Variants in ASCC3 observed in about 807,000 individuals in gnomAD.
ASCC3 encodes the protein ASC-1 complex subunit P200.
ASCC3 carries 158 observed loss-of-function variants against 256.3 expected under a neutral mutation model. That is an observed-to-expected ratio of 0.62 (90% CI 0.54 to 0.70). The LOEUF (loss-of-function observed/expected upper bound fraction) is 0.70, where lower values mean the gene tolerates loss of function less well. Among genes scored for constraint, ASCC3 ranks in the 30% least tolerant of loss-of-function variants. ASCC3 has a pLI of 0.00. For synonymous variants in ASCC3, 948 were observed against 883.4 expected (o/e 1.07, Z -1.30); for missense variants, 2,259 against 2,626.0 (o/e 0.86, Z 3.05).
chr6:100,709,195 G>A (rs534336112), intron 13 of ASCC3, among the ~76,000 whole-genome samples: 2 of 152,072 alleles, frequency 1.3e-5, no homozygotes, highest in Non-Finnish European at 2.9e-5. Flanking sequence ...CACACAATGT[G>A]GCCATTTCTG....
At chr6:100,585,452 T>A (rs1243467679) in intron 36 of ASCC3, among the ~76,000 whole-genome samples, 1 of 152,214 alleles carries the variant, frequency 6.6e-6, no homozygotes, top group Non-Finnish European at 1.5e-5. Context: ...AGCACTTCTC[T>A]GTATTGGTTA....
intron 36 of ASCC3, among the ~76,000 whole-genome samples, chr6:100,560,099 A>G (rs1045039350): frequency 5.3e-5 from 8 of 152,168 alleles, no homozygotes; most frequent in Admixed American, 4.6e-4. Flanking sequence ...TTCTGGTAAT[A>G]TATGTAAGTG....
chr6:100,845,766 T>C (rs1772351580), intron 4 of ASCC3, among the ~76,000 whole-genome samples: 1 of 152,138 alleles, frequency 6.6e-6, no homozygotes, highest in Non-Finnish European at 1.5e-5. Flanking sequence ...CTAACACTAG[T>C]TTAACAATAA....
chr6:100,516,122 TC>T, intron 39 of ASCC3, 57 bp downstream of exon 39: 1 of 1,610,404 alleles, frequency 6.2e-7, no homozygotes, highest in Non-Finnish European at 8.5e-7. Flanking sequence ...GTTAGAAAAC[TC>T]TTGGTACACC....
At chr6:100,670,997 C>T (rs1484010940) in intron 14 of ASCC3, among the ~76,000 whole-genome samples, 1 of 151,778 alleles carries the variant, frequency 6.6e-6, no homozygotes, top group Non-Finnish European at 1.5e-5. Flanking sequence ...AGAATGAAAC[C>T]CATCTTTCTG....
chr6:100,778,091 TG>T (rs1562290429), intron 8 of ASCC3, among the ~76,000 whole-genome samples: 1 of 77,716 alleles, frequency 1.3e-5, no homozygotes, highest in East Asian at 4.1e-4. Context: ...ATGACTTAAA[TG>T]TAAGATGGTG....
intron 3 of ASCC3, among the ~76,000 whole-genome samples, chr6:100,853,220 T>C (rs1303817614): frequency 1.3e-5 from 2 of 152,150 alleles, no homozygotes; most frequent in African/African-American, 2.4e-5. Context: ...ATGGTTACAA[T>C]TGTCAATCAT....
At chr6:100,756,659 G>A (rs1781193783) in intron 10 of ASCC3, among the ~76,000 whole-genome samples, 1 of 152,022 alleles carries the variant, frequency 6.6e-6, no homozygotes, top group African/African-American at 2.4e-5. Flanking sequence ...TGATTCTAAG[G>A]CTGGGCTTCT....
At chr6:100,703,805 GTT>G (rs1778453950) in intron 13 of ASCC3, among the ~76,000 whole-genome samples, 1 of 151,812 alleles carries the variant, frequency 6.6e-6, no homozygotes, top group African/African-American at 2.4e-5. Context: ...ACAAATGACT[GTT>G]AACAAAGGAA....
intron 1 of ASCC3, among the ~76,000 whole-genome samples, chr6:100,874,128 T>C (rs1238171472): frequency 6.6e-6 from 1 of 152,178 alleles, no homozygotes; most frequent in Non-Finnish European, 1.5e-5. Flanking sequence ...TACTAGGATC[T>C]GGGCTAGGCA....
At chr6:100,796,232 G>A (rs907811584) in intron 8 of ASCC3, among the ~76,000 whole-genome samples, 2 of 152,078 alleles carry the variant, frequency 1.3e-5, no homozygotes, top group Non-Finnish European at 2.9e-5. Context: ...AGACTATATC[G>A]AATTGCTCAT....
intron 37 of ASCC3, among the ~76,000 whole-genome samples, chr6:100,534,067 ACT>A (rs1775048829): frequency 6.6e-6 from 1 of 151,914 alleles, no homozygotes; most frequent in Admixed American, 6.6e-5. Context: ...ACATGGTGAA[ACT>A]CTGTCTCTAC....
At chr6:100,752,380 A>G (rs1288504613) in intron 10 of ASCC3, among the ~76,000 whole-genome samples, 1 of 152,286 alleles carries the variant, frequency 6.6e-6, no homozygotes, top group African/African-American at 2.4e-5. Flanking sequence ...TTAAACAGTT[A>G]GACTAGAAAT....
chr6:100,515,617 C>T (rs773757217), intron 39 of ASCC3, among the ~76,000 whole-genome samples: 3 of 152,110 alleles, frequency 2.0e-5, no homozygotes, highest in Non-Finnish European at 4.4e-5. Context: ...ACAGATTTAG[C>T]TTTCTATGTA....
intron 1 of ASCC3, among the ~76,000 whole-genome samples, chr6:100,879,045 C>A (rs1053939147): frequency 6.6e-6 from 1 of 152,180 alleles, no homozygotes; most frequent in Admixed American, 6.5e-5. Flanking sequence ...ACATGACCCC[C>A]CTCCTTGGGT....
intron 13 of ASCC3, among the ~76,000 whole-genome samples, chr6:100,681,725 C>CAAAAAAAAAAAAAAAAAAA (rs10696130): frequency 3.4e-5 from 2 of 58,658 alleles, no homozygotes; most frequent in South Asian, 8.5e-4. Flanking sequence ...GACTCCGTCT[C>CAAAAAAAAAAAAAAAAAAA]AAAAAAAAAA....
chr6:100,547,822 A>G (rs1053056741), intron 36 of ASCC3, among the ~76,000 whole-genome samples: 3 of 151,980 alleles, frequency 2.0e-5, no homozygotes, highest in Non-Finnish European at 4.4e-5. Context: ...GTGTATGTCC[A>G]TACAACAAAG....
At chr6:100,856,526 G>T in intron 3 of ASCC3, 2 of 682,480 alleles carry the variant, frequency 2.9e-6, no homozygotes, top group South Asian at 1.3e-4. Context: ...TACACATACA[G>T]TTCAAAGAAT....
At position 100,652,780 on chromosome 6, in the gene ASCC3, G is replaced by A; in HGVS notation, c.2933C>T (p.Ser978Leu). The A allele has an allele frequency of 1.2e-6, 2 of 1,613,820 alleles. No individual in the cohort carries two copies. Among genetic ancestry groups the A allele is most frequent in the Non-Finnish European group, 1.7e-6 (2 of 1,179,902 alleles). ...RFEERTGYFS[S>L]TDLGRTASHY... ...GCTGGCAGTTCTACCCAAATCAGTTGAGGAAAAATATCCAGTTCGCTCCTC... is the reference window on the plus strand; with the variant it reads ...GCTGGCAGTTCTACCCAAATCAGTTAAGGAAAAATATCCAGTTCGCTCCTC... The change falls in exon 18 of 42, where the codon TCA becomes TTA. Residue 978 changes from serine to leucine, a missense_variant. Physicochemically the swap from Ser to Leu is moderately radical, Grantham distance 145 (BLOSUM62 -2). This residue lies in a region of ASCC3 where 1,839 missense variants were observed against 2,206.7 expected (regional missense o/e 0.83). Coordinates refer to ENST00000369162, the MANE Select transcript of ASCC3 (RefSeq NM_006828.4).
Sources: allele counts gnomAD v4.1 joint callset (sites outside exome capture counted in the v4.1 genomes callset), GRCh38; gene constraint gnomAD v4.1.1; regional missense constraint gnomAD v4.1.1; transcripts MANE v1.5; gene names NCBI Gene and HGNC (gene_info 2026-07-23, HGNC 2026-07-21).